Variants in MFHAS1 observed in about 807,000 individuals in gnomAD.
The protein encoded by MFHAS1 is malignant fibrous histiocytoma-amplified sequence 1.
In MFHAS1, 50 loss-of-function variants were observed where a neutral mutation model predicts 70.4. That is an observed-to-expected ratio of 0.71 (90% confidence interval 0.57 to 0.90). The LOEUF (loss-of-function observed/expected upper bound fraction) is 0.90. Among genes scored for constraint, MFHAS1 ranks in the 40% least tolerant of loss-of-function variants. The pLI, the probability that MFHAS1 is intolerant of heterozygous loss-of-function variation, is 0.00. For missense variants in MFHAS1, 1,795 were observed against 1,347.6 expected (o/e 1.33, Z -5.20); for synonymous variants, 952 against 620.0 (o/e 1.54, Z -7.96).
chr8:8,840,630 C>A (rs747537292), intron 1 of MFHAS1, among the ~76,000 whole-genome samples: 17 of 152,138 alleles, frequency 1.1e-4, no homozygotes, highest in Non-Finnish European at 2.1e-4. Context: ...TCCTTCAGTT[C>A]TTCTGAAGGC....
At chr8:8,844,481 A>T (rs1427883181) in intron 1 of MFHAS1, among the ~76,000 whole-genome samples, 1 of 152,210 alleles carries the variant, frequency 6.6e-6, no homozygotes, top group East Asian at 1.9e-4. Context: ...GTCATTGTTT[A>T]AAGTTAGCAT....
chr8:8,868,068 TATA>T (rs1167939003), intron 1 of MFHAS1, among the ~76,000 whole-genome samples: 1 of 152,060 alleles, frequency 6.6e-6, no homozygotes, highest in Non-Finnish European at 1.5e-5. Context: ...TATCATTTAT[TATA>T]ATAAGTGGTA....
At chr8:8,819,071 A>G (rs998500824) in intron 1 of MFHAS1, among the ~76,000 whole-genome samples, 1 of 152,130 alleles carries the variant, frequency 6.6e-6, no homozygotes, top group Non-Finnish European at 1.5e-5. Context: ...GGCTGGCTAA[A>G]TAAAGTCGGC....
chr8:8,817,836 T>C (rs1806805276), intron 1 of MFHAS1, among the ~76,000 whole-genome samples: 2 of 152,170 alleles, frequency 1.3e-5, no homozygotes, highest in Admixed American at 6.5e-5. Context: ...GAACCTAATG[T>C]AATGCTGCCG....
At chr8:8,833,643 T>C (rs952190869) in intron 1 of MFHAS1, among the ~76,000 whole-genome samples, 4 of 151,496 alleles carry the variant, frequency 2.6e-5, no homozygotes, top group Non-Finnish European at 4.4e-5. Flanking sequence ...AATAAATAAA[T>C]TAAATCAACA....
intron 1 of MFHAS1, among the ~76,000 whole-genome samples, chr8:8,885,987 C>A (rs1344246123): frequency 6.6e-6 from 1 of 152,210 alleles, no homozygotes; most frequent in East Asian, 1.9e-4. Context: ...TAGGCTTCAT[C>A]ATAGGCCATC....
intron 1 of MFHAS1, among the ~76,000 whole-genome samples, chr8:8,863,766 A>G (rs142571588): frequency 1.2e-3 from 178 of 152,248 alleles, no homozygotes; most frequent in African/African-American, 4.2e-3. Context: ...TCACAGAACT[A>G]ATCTATTAAT....
chr8:8,785,851 ACCCCCTCCCCACCTCT>A lies in MFHAS1; in HGVS notation c.*155_*170del. 3 of 229,298 alleles carry A rather than the reference ACCCCCTCCCCACCTCT, an allele frequency of 1.3e-5. 1 individual carries two copies. The Middle Eastern group carries it at 4.8e-3, about 364-fold the overall frequency. 14.2% of individuals were successfully genotyped at this position (229,298 alleles called of 1,614,324 possible). A position where few individuals can be genotyped will look rare whatever the true frequency, so the allele number is the denominator to read the frequency against. On this transcript the variant is annotated 3_prime_UTR_variant, in exon 3 of 3. Coordinates refer to ENST00000276282, the MANE Select transcript of MFHAS1 (RefSeq NM_004225.3). ...GTTCTCGTCCATGCTTCCCCCCACC[ACCCCCTCCCCACCTCT>A]TCCCCAGTCGTCCAAAAAGCACCCT...
At chr8:8,797,167 A>G (rs1394432241) in intron 2 of MFHAS1, among the ~76,000 whole-genome samples, 198 bp downstream of exon 2, 1 of 145,358 alleles carries the variant, frequency 6.9e-6, no homozygotes, top group Non-Finnish European at 1.5e-5. Context: ...AAAAAAAAAA[A>G]TCACAAAAAA....
chr8:8,842,555 G>A (rs751236243), intron 1 of MFHAS1, among the ~76,000 whole-genome samples: 1 of 152,094 alleles, frequency 6.6e-6, no homozygotes, highest in Non-Finnish European at 1.5e-5. Context: ...AAGTGACACA[G>A]GACGCACGTG....
intron 1 of MFHAS1, among the ~76,000 whole-genome samples, chr8:8,806,265 T>TTG (rs1351812517): frequency 6.6e-6 from 1 of 152,128 alleles, no homozygotes; most frequent in East Asian, 1.9e-4. Flanking sequence ...CAAGTGTCCA[T>TTG]TACAACACTG....
At chr8:8,851,673 C>T (rs755999736) in intron 1 of MFHAS1, among the ~76,000 whole-genome samples, 12 of 152,146 alleles carry the variant, frequency 7.9e-5, no homozygotes, top group Non-Finnish European at 1.8e-4. Flanking sequence ...ATATTATACC[C>T]CTTCCTCTTG....
At chr8:8,863,626 C>A (rs1446403909) in intron 1 of MFHAS1, among the ~76,000 whole-genome samples, 2 of 152,112 alleles carry the variant, frequency 1.3e-5, no homozygotes, top group South Asian at 4.2e-4. Context: ...CTGTTTTGAC[C>A]ATCTGATTCC....
intron 1 of MFHAS1, among the ~76,000 whole-genome samples, chr8:8,837,122 A>G (rs937522103): frequency 1.3e-5 from 2 of 152,252 alleles, no homozygotes; most frequent in African/African-American, 2.4e-5. Context: ...ATTTTGAAAT[A>G]TGAACTATTC....
At chr8:8,873,330 G>C (rs544439950) in intron 1 of MFHAS1, among the ~76,000 whole-genome samples, 9 of 152,166 alleles carry the variant, frequency 5.9e-5, no homozygotes, top group Admixed American at 5.9e-4. Context: ...TGAAATGAAG[G>C]ATTTTAAAGA....
intron 2 of MFHAS1, among the ~76,000 whole-genome samples, chr8:8,788,337 A>G (rs1805620272): frequency 1.3e-5 from 2 of 152,234 alleles, no homozygotes; most frequent in African/African-American, 4.8e-5. Context: ...CCACAGGTAA[A>G]AAGTAGCCAA....
In MFHAS1 at chr8:8,818,940, T is replaced by C. The variant is rs1001468919; in HGVS notation, c.2999-21449A>G. 2.6e-5 allele frequency among the ~76,000 whole-genome samples: 4 copies of C among 152,342 alleles called. No individual in the cohort carries two copies. In the South Asian group the frequency reaches 8.3e-4, roughly 32 times the overall value. On this transcript the variant is annotated intron_variant, in intron 1 of 2. Coordinates refer to ENST00000276282, the MANE Select transcript of MFHAS1 (RefSeq NM_004225.3). ...GTAGCCCCTTTTTGGAGAAAAATTA[T>C]TCTGCTTCAAGGTATTTATTCTACG...
At chr8:8,850,739 C>G (rs537718197) in intron 1 of MFHAS1, among the ~76,000 whole-genome samples, 2 of 147,258 alleles carry the variant, frequency 1.4e-5, no homozygotes, top group African/African-American at 5.0e-5. Context: ...GCAGGAGAAT[C>G]GCTTGAATCC....
intron 1 of MFHAS1, among the ~76,000 whole-genome samples, chr8:8,872,630 G>A (rs1330637394): frequency 7.2e-5 from 11 of 152,194 alleles, no homozygotes; most frequent in Admixed American, 3.9e-4. Context: ...TGCATGAACA[G>A]CATTCAAGAA....
Sources: allele counts gnomAD v4.1 joint callset (sites outside exome capture counted in the v4.1 genomes callset), GRCh38; gene constraint gnomAD v4.1.1; transcripts MANE v1.5; gene names NCBI Gene and HGNC (gene_info 2026-07-23, HGNC 2026-07-21).